Variants in LTBP2 observed in about 807,000 individuals in gnomAD.
LTBP2 encodes latent-transforming growth factor beta-binding protein 2.
Under a neutral mutation model 210.6 loss-of-function variants are expected in LTBP2, and 103 were observed. The ratio of observed to expected loss-of-function variants is 0.49; its 90% CI spans 0.42 to 0.58. The LOEUF is 0.58. LTBP2 is among the 20% of genes least tolerant of loss of function. The pLI is 0.00. For synonymous variants in LTBP2, 1,007 were observed against 1,015.0 expected (o/e 0.99, Z 0.15); for missense variants, 2,313 against 2,494.5 (o/e 0.93, Z 1.55).
At chr14:74,539,573 G>T (rs1185983755) in intron 8 of LTBP2, among the ~76,000 whole-genome samples, 1 of 152,196 alleles carries the variant, frequency 6.6e-6, no homozygotes, top group Non-Finnish European at 1.5e-5. Context: ...GGGCATGGTG[G>T]TTCATGCCTG....
At chr14:74,593,011 G>A (rs2088304155) in intron 2 of LTBP2, among the ~76,000 whole-genome samples, 1 of 152,162 alleles carries the variant, frequency 6.6e-6, no homozygotes, top group Non-Finnish European at 1.5e-5. Context: ...CCAGCTTTGG[G>A]TGTTCCGCTC....
chr14:74,501,588 G>C lies in LTBP2; in HGVS notation c.5173C>G (p.Pro1725Ala), dbSNP rs758548129. The change falls in exon 35 of 36, where the codon CCC becomes GCC. Residue 1725 changes from proline to alanine, a missense_variant and splice_region_variant. Physicochemically the swap from Pro to Ala is conservative, Grantham distance 27. Around this residue, in one of 3 missense-constraint regions of LTBP2, gnomAD observed 443 missense variants for 501.4 expected, o/e 0.88. Transcript: ENST00000261978. The stretch of plus-strand genomic sequence containing the variant: ...TGAAGCCCTTCGAAGCCGGCTGGGG[G>C]CTCTGGGAGGAGGAAATCGGAGAGA... ...QPHYVASHPE[P>A]PAGFEGLQAE... The C allele has an allele frequency of 5.0e-6, 8 of 1,614,046 alleles. No individual in the cohort carries two copies. The highest frequency in any genetic ancestry group is 6.8e-6 in the Non-Finnish European group (8 of 1,180,038).
At chr14:74,505,907 C>T in intron 28 of LTBP2, 141 bp downstream of exon 28, 1 of 1,180,424 alleles carries the variant, frequency 8.5e-7, no homozygotes, top group Non-Finnish European at 1.2e-6. Context: ...ATGCACCAGG[C>T]CCCGCCTGCA....
At chr14:74,524,811 C>T (rs911195288) in intron 15 of LTBP2, among the ~76,000 whole-genome samples, 6 of 152,210 alleles carry the variant, frequency 3.9e-5, no homozygotes, top group Non-Finnish European at 8.8e-5. Context: ...TCCCCATGCT[C>T]CCCTTCCTTG....
rs762286904 is a variant in LTBP2, at chr14:74,505,092, A to C, written c.4260T>G (p.His1420Gln). Reference sequence around the variant, plus strand: ...GGCCCAGGACACTGGAGCAGGGCGCATGGCCCTTCTGCCCGGAGTAGCAGT... The same window carrying C: ...GGCCCAGGACACTGGAGCAGGGCGCCTGGCCCTTCTGCCCGGAGTAGCAGT... ...RMDCYSGQKGHAPCSSVLGRN... is the reference protein window; with the variant it reads ...RMDCYSGQKGQAPCSSVLGRN... The change falls in exon 29 of 36, where the codon CAT becomes CAG. Residue 1420 changes from histidine (H) to glutamine (Q), a missense_variant. Physicochemically the swap from His to Gln is conservative, Grantham distance 24. This residue lies in a region of LTBP2 where 1,867 missense variants were observed against 1,976.9 expected (regional missense o/e 0.94). Transcript: ENST00000261978. 1.2e-6 allele frequency: 2 copies of C among 1,614,136 alleles called. No individual in the cohort carries two copies. Among genetic ancestry groups the C allele is most frequent in the African/African-American group, 2.7e-5 (2 of 75,068 alleles).
chr14:74,576,003 C>T (rs900710595), intron 3 of LTBP2, among the ~76,000 whole-genome samples: 2 of 152,200 alleles, frequency 1.3e-5, no homozygotes, highest in African/African-American at 4.8e-5. Context: ...CCAGGAGGAG[C>T]CTCCTTTACA....
intron 3 of LTBP2, among the ~76,000 whole-genome samples, chr14:74,583,557 G>A (rs1242130631): frequency 6.6e-6 from 1 of 152,238 alleles, no homozygotes; most frequent in African/African-American, 2.4e-5. Flanking sequence ...GCCTGTGAAA[G>A]TCAAAGAGGA....
intron 1 of LTBP2, 101 bp from the exon 2 acceptor site, chr14:74,603,806 GA>G (rs1374882241): frequency 1.1e-5 from 10 of 945,882 alleles, no homozygotes; most frequent in Non-Finnish European, 1.7e-5. Context: ...GGGCCTGGAG[GA>G]ACATGGAGAG....
chr14:74,599,894 C>T (rs935329632), intron 2 of LTBP2, among the ~76,000 whole-genome samples: 33 of 152,384 alleles, frequency 2.2e-4, no homozygotes, highest in African/African-American at 7.2e-4. Context: ...TGGCACTAGA[C>T]TTTACTCTTG....
intron 8 of LTBP2, among the ~76,000 whole-genome samples, chr14:74,547,513 G>A (rs561092784): frequency 6.6e-5 from 10 of 152,218 alleles, no homozygotes; most frequent in Admixed American, 2.6e-4. Flanking sequence ...TTACACTCAC[G>A]CTGTTGGCAG....
intron 3 of LTBP2, among the ~76,000 whole-genome samples, chr14:74,562,797 T>C (rs1027732600): frequency 6.6e-6 from 1 of 152,130 alleles, no homozygotes; most frequent in Non-Finnish European, 1.5e-5. Context: ...AAACAGACGC[T>C]CTCGGATGCT....
At chr14:74,553,492 T>A (rs933457728) in intron 4 of LTBP2, among the ~76,000 whole-genome samples, 5 of 152,148 alleles carry the variant, frequency 3.3e-5, no homozygotes, top group Admixed American at 3.3e-4. Flanking sequence ...GGGAACAGAA[T>A]GCAGCCCCAG....
chr14:74,529,894 G>A (rs1296576198), intron 10 of LTBP2, among the ~76,000 whole-genome samples: 1 of 152,228 alleles, frequency 6.6e-6, no homozygotes, highest in Non-Finnish European at 1.5e-5. Context: ...GATTCTAAGA[G>A]GAGGAGAGTG....
chr14:74,528,707 C>T lies in LTBP2; in HGVS notation c.2153-9G>A. The T allele has an allele frequency of 6.2e-7, 1 of 1,610,642 alleles. No homozygotes were observed. Among genetic ancestry groups the T allele is most frequent in the Non-Finnish European group, 8.5e-7 (1 of 1,179,932 alleles). On this transcript the variant is annotated splice_polypyrimidine_tract_variant and intron_variant, in intron 11 of 35. Transcript: ENST00000261978. ...GATCTCTCTGAAGGCCTCTGCAAAG[C>T]CAACAGCCAGAGGACAAACTGAGAG...
At chr14:74,610,952 C>T (rs925736941) in intron 1 of LTBP2, among the ~76,000 whole-genome samples, 4 of 152,234 alleles carry the variant, frequency 2.6e-5, no homozygotes, top group African/African-American at 4.8e-5. Context: ...CTTGTCCCGA[C>T]GCACCAGCTT....
At position 74,611,712 on chromosome 14, in the gene LTBP2, G is replaced by A. The variant is rs773569346; in HGVS notation, c.233C>T (p.Pro78Leu). Residue 78 changes from proline to leucine, a missense_variant, in exon 1 of 36, where the codon CCT becomes CTT. By Grantham distance (98) the Pro-to-Leu change is moderately conservative (BLOSUM62 -3). This residue lies in a region of LTBP2 where 1,867 missense variants were observed against 1,976.9 expected (regional missense o/e 0.94). Coordinates refer to ENST00000261978, the MANE Select transcript of LTBP2 (RefSeq NM_000428.3). Reference sequence around the variant, plus strand: ...CTCCACGGGCTGCAAGCCCGCGACAGGCGCGTCCTGCTCCCGGAACAGACT... The same window carrying A: ...CTCCACGGGCTGCAAGCCCGCGACAAGCGCGTCCTGCTCCCGGAACAGACT... ...VYSLFREQDA[P>L]VAGLQPVERA... 6.3e-7 allele frequency: 1 copy of A among 1,593,156 alleles called. No homozygotes were observed. The highest frequency in any genetic ancestry group is 1.3e-5 in the African/African-American group (1 of 74,854).
intron 2 of LTBP2, among the ~76,000 whole-genome samples, chr14:74,595,100 C>T (rs2088339497): frequency 6.6e-6 from 1 of 152,390 alleles, no homozygotes; most frequent in Admixed American, 6.5e-5. Context: ...CTCACTTGCT[C>T]TCTGCAGACG....
At chr14:74,540,838 T>TATTTATATA (rs376025514) in intron 8 of LTBP2, among the ~76,000 whole-genome samples, 78 of 15,092 alleles carry the variant, frequency 5.2e-3, no homozygotes, top group African/African-American at 6.3e-3. Flanking sequence ...ATAATATATA[T>TATTTATATA]TTATATATAT....
chr14:74,526,782 A>G (rs908249525), intron 13 of LTBP2, among the ~76,000 whole-genome samples: 3 of 152,150 alleles, frequency 2.0e-5, no homozygotes, highest in Admixed American at 2.0e-4. Context: ...TGATGAGGGA[A>G]GAAGCAGATC....
Sources: gnomAD v4.1 joint callset for allele counts (sites outside exome capture counted in the v4.1 genomes callset) on GRCh38, gnomAD v4.1.1 for gene constraint, gnomAD v4.1.1 regional missense constraint, MANE v1.5 for transcripts, NCBI Gene and HGNC (gene_info 2026-07-23, HGNC 2026-07-21) for gene names.